Variants in LINGO1 observed in about 807,000 individuals in gnomAD.
The protein encoded by LINGO1 is leucine-rich repeat and immunoglobulin-like domain-containing nogo receptor-interacting protein 1.
A neutral mutation model predicts 37.3 loss-of-function variants in LINGO1; 11 were observed. The ratio of observed to expected loss-of-function variants is 0.29; its 90% CI spans 0.19 to 0.49. The LOEUF (loss-of-function observed/expected upper bound fraction) is 0.49, where lower values mean the gene tolerates loss of function less well. Ranked by LOEUF, LINGO1 falls within the 20% of genes least tolerant of loss-of-function variation. The probability of loss-of-function intolerance (pLI) is 0.99; values close to 1 mark genes in which losing one functional copy is unlikely to be tolerated. For synonymous variants in LINGO1, 387 were observed against 403.0 expected (o/e 0.96, Z 0.48); for missense variants, 585 against 878.2 (o/e 0.67, Z 4.22).
chr15:77,774,251 A>G (rs945731850), intron 1 of LINGO1, among the ~76,000 whole-genome samples: 1 of 151,994 alleles, frequency 6.6e-6, no homozygotes, highest in Non-Finnish European at 1.5e-5. Context: ...CTTCATTCAC[A>G]TCAAACAGCT....
At chr15:77,687,078 C>G (rs905958208) in intron 2 of LINGO1, among the ~76,000 whole-genome samples, 7 of 152,158 alleles carry the variant, frequency 4.6e-5, no homozygotes, top group Admixed American at 1.3e-4. Context: ...CAGTGTGGGG[C>G]CAGGATCAGG....
chr15:77,724,328 G>C (rs946471582), intron 2 of LINGO1, among the ~76,000 whole-genome samples: 4 of 152,246 alleles, frequency 2.6e-5, no homozygotes, highest in African/African-American at 9.6e-5. Context: ...AATTGGGCAG[G>C]GAGGGTGGCG....
intron 1 of LINGO1, among the ~76,000 whole-genome samples, chr15:77,754,763 G>A (rs767590477): frequency 1.3e-5 from 2 of 152,260 alleles, no homozygotes; most frequent in Non-Finnish European, 1.5e-5. Context: ...ACAGTGCAGC[G>A]TCCTTGGCCT....
intron 2 of LINGO1, among the ~76,000 whole-genome samples, chr15:77,713,257 T>TGTGTGC (rs61580201): frequency 6.9e-6 from 1 of 143,928 alleles, no homozygotes; most frequent in Non-Finnish European, 1.5e-5. Flanking sequence ...TGTGTGTGTG[T>TGTGTGC]TGTAGAGACA....
intron 2 of LINGO1, among the ~76,000 whole-genome samples, chr15:77,710,375 G>A (rs576348471): frequency 1.3e-5 from 2 of 152,326 alleles, no homozygotes; most frequent in African/African-American, 4.8e-5. Flanking sequence ...TCACCTGGTG[G>A]GACTTGTCCA....
At chr15:77,702,881 T>C (rs2075802668) in intron 2 of LINGO1, among the ~76,000 whole-genome samples, 1 of 152,220 alleles carries the variant, frequency 6.6e-6, no homozygotes, top group African/African-American at 2.4e-5. Context: ...TGCTCCCTAA[T>C]ACTTCTTCTG....
chr15:77,772,775 C>A (rs993175838), intron 1 of LINGO1, among the ~76,000 whole-genome samples: 4 of 152,200 alleles, frequency 2.6e-5, no homozygotes, highest in Admixed American at 2.6e-4. Flanking sequence ...GAAAAGCCCT[C>A]TTTCCCCCCA....
intron 3 of LINGO1, among the ~76,000 whole-genome samples, chr15:77,660,930 C>A (rs1172070683): frequency 6.6e-6 from 1 of 152,160 alleles, no homozygotes; most frequent in East Asian, 1.9e-4. Flanking sequence ...CATCACAGTG[C>A]TGGGCACTGC....
At position 77,741,659 on chromosome 15, in the gene LINGO1, T is replaced by C. The variant is rs566295199; in HGVS notation, c.-256-6606A>G. Among the ~76,000 whole-genome samples, 11 of 152,286 alleles carry C rather than the reference T, an allele frequency of 7.2e-5. No individual in the cohort carries two copies. In the South Asian group the frequency reaches 1.5e-3, roughly 20 times the overall value. On this transcript the variant is annotated intron_variant, in intron 1 of 3. Transcript: ENST00000561686. ...CAGCAAAAAACAAAACCGCTTGACC[T>C]TGTGGTTCCGCAGACAAGTAGCTTC...
chr15:77,681,659 G>A (rs775753998), intron 2 of LINGO1, among the ~76,000 whole-genome samples: 2 of 152,148 alleles, frequency 1.3e-5, no homozygotes, highest in African/African-American at 2.4e-5. Flanking sequence ...CAAGGGTGTG[G>A]GGGGGCTGAA....
chr15:77,745,125 TAAAAA>T lies in LINGO1; in HGVS notation c.-256-10077_-256-10073del, dbSNP rs74707319. On this transcript the variant is annotated intron_variant, in intron 1 of 3. Transcript: ENST00000561686. ...TGGGCGAGAGAGCAAGACTCTGTCT[TAAAAA>T]AAAAAAAAAAAAAAAGGCTGGGCAC... 1.3e-4 allele frequency among the ~76,000 whole-genome samples: 12 copies of T among 91,056 alleles called. 1 individual carries two copies. The highest frequency in any genetic ancestry group is 5.4e-4 in the African/African-American group (12 of 22,360). The allele number at this position is 91,056 out of a possible 152,430, so 59.7% of individuals were successfully genotyped here.
chr15:77,663,921 G>A (rs74025358), intron 3 of LINGO1, among the ~76,000 whole-genome samples: 1,565 of 152,322 alleles, frequency 0.01, 31 homozygotes, highest in African/African-American at 0.036. Context: ...GAGGCCCAGG[G>A]AGGGGCTAAG....
intron 3 of LINGO1, chr15:77,667,009 AT>A (rs1364737687): frequency 6.6e-6 from 1 of 152,322 alleles, no homozygotes; most frequent in Non-Finnish European, 1.5e-5. Context: ...GAGATGAGCA[AT>A]GTGGTTGGAG....
chr15:77,622,143 C>T (rs1272484665), intron 1 of LINGO1, among the ~76,000 whole-genome samples: 2 of 152,076 alleles, frequency 1.3e-5, no homozygotes, highest in African/African-American at 2.4e-5. Context: ...TAGAGCACTT[C>T]GGAAAGTCTG....
In LINGO1 at chr15:77,652,530, G is replaced by GTGTGTGTGTGTT. The variant is rs1461851046; in HGVS notation, c.-13+24558_-13+24559insAACACACACACA. ...TGTGTGTGTGTGTGTGTGTGTGTGTGTTGCCAGAATACGGAAATCACATTT... is the reference window on the plus strand; with the variant it reads ...TGTGTGTGTGTGTGTGTGTGTGTGTGTGTGTGTGTGTTTTGCCAGAATACGGAAATCACATTT... On this transcript the variant is annotated intron_variant, in intron 3 of 3. Transcript: ENST00000559893. Among the ~76,000 whole-genome samples the GTGTGTGTGTGTT allele has an allele frequency of 3.7e-3, 531 of 144,818 alleles. 13 individuals carry two copies. The highest frequency in any genetic ancestry group is 0.014 in the African/African-American group (504 of 36,942).
At chr15:77,699,337 T>C (rs972939324), upstream of LINGO1, among the ~76,000 whole-genome samples, 1 of 696 alleles carries the variant, frequency 1.4e-3, no homozygotes, top group African/African-American at 4.6e-3. Context: ...CTAACCATCA[T>C]CCCCCGCACA....
intron 1 of LINGO1, among the ~76,000 whole-genome samples, chr15:77,803,459 A>T (rs368686358): frequency 6.6e-6 from 1 of 151,508 alleles, no homozygotes; most frequent in African/African-American, 2.4e-5. Context: ...CAAACAGACA[A>T]ACAAAAAATC....
chr15:77,614,975 A>G lies in LINGO1; in HGVS notation c.932T>C (p.Leu311Pro). Reference protein sequence around the residue: ...TIEGSMLHELLRLQEIQLVGG... With the variant: ...TIEGSMLHELPRLQEIQLVGG... ...CACCAGCTGGATCTCCTGCAGCCGGAGCAGCTCATGCAACATGGAGCCCTC... is the reference window on the plus strand; with the variant it reads ...CACCAGCTGGATCTCCTGCAGCCGGGGCAGCTCATGCAACATGGAGCCCTC... Residue 311 changes from leucine (L) to proline (P), a missense_variant, in exon 2 of 2, where the codon CTC becomes CCC. Transcript: ENST00000355300. 1 of 1,613,950 alleles carries G rather than the reference A, an allele frequency of 6.2e-7. No homozygotes were observed. Among genetic ancestry groups the G allele is most frequent in the Non-Finnish European group, 8.5e-7 (1 of 1,179,874 alleles).
At chr15:77,663,908 A>G (rs1216241770) in intron 3 of LINGO1, among the ~76,000 whole-genome samples, 2 of 152,272 alleles carry the variant, frequency 1.3e-5, no homozygotes, top group Admixed American at 6.5e-5. Context: ...TCACCTGGAC[A>G]GGGAGGCCCA....
Sources: gnomAD v4.1 joint callset for allele counts (sites outside exome capture counted in the v4.1 genomes callset) on GRCh38, gnomAD v4.1.1 for gene constraint, MANE v1.5 for transcripts, NCBI Gene and HGNC (gene_info 2026-07-23, HGNC 2026-07-21) for gene names.